The following SEMA6D variants were observed in gnomAD, a reference collection of about 807,000 sequenced individuals.
The protein encoded by SEMA6D is semaphorin 6D.
A neutral mutation model predicts 106.6 loss-of-function variants in SEMA6D; 35 were observed. That is an observed-to-expected ratio of 0.33 (90% confidence interval 0.25 to 0.44). SEMA6D has a LOEUF of 0.44. Among genes scored for constraint, SEMA6D ranks in the 20% least tolerant of loss-of-function variants. SEMA6D has a pLI of 1.00. For missense variants in SEMA6D, 1,185 were observed against 1,345.9 expected, an observed-to-expected ratio of 0.88 and a Z score of 1.87; for synonymous variants, 499 against 487.7, an observed-to-expected ratio of 1.02 and a Z score of -0.31.
chr15:47,431,270 T>G (rs983628222), intron 2 of SEMA6D, among the ~76,000 whole-genome samples: 1 of 152,120 alleles, frequency 6.6e-6, no homozygotes. Flanking sequence ...TCATTTTTAT[T>G]TTGTTTATTA....
chr15:47,627,503 G>A (rs1481960919), intron 4 of SEMA6D, among the ~76,000 whole-genome samples: 4 of 151,952 alleles, frequency 2.6e-5, no homozygotes, highest in African/African-American at 9.7e-5. Flanking sequence ...CTGTAAAATG[G>A]GATAATAATC....
At chr15:47,544,378 C>T (rs569619087) in intron 3 of SEMA6D, among the ~76,000 whole-genome samples, 5 of 152,168 alleles carry the variant, frequency 3.3e-5, no homozygotes, top group South Asian at 2.1e-4. Flanking sequence ...ATCTATTCAA[C>T]GAATAGCTAT....
intron 1 of SEMA6D, among the ~76,000 whole-genome samples, chr15:47,279,667 C>A (rs1246514948): frequency 6.6e-6 from 1 of 152,142 alleles, no homozygotes; most frequent in Non-Finnish European, 1.5e-5. Flanking sequence ...GTGGGTTTGT[C>A]ATAGGTAGCT....
At chr15:47,396,641 G>A (rs2040221704) in intron 1 of SEMA6D, 1 of 152,188 alleles carries the variant, frequency 6.6e-6, no homozygotes, top group Non-Finnish European at 1.5e-5. Flanking sequence ...CTTTATCCTA[G>A]CTGCACTGGC....
chr15:47,507,036 C>G (rs769759707), intron 3 of SEMA6D, among the ~76,000 whole-genome samples: 1 of 152,120 alleles, frequency 6.6e-6, no homozygotes, highest in African/African-American at 2.4e-5. Context: ...GGGTCTCTAT[C>G]ATTTAACCAA....
intron 1 of SEMA6D, among the ~76,000 whole-genome samples, chr15:47,351,821 C>A (rs1201246042): frequency 6.6e-6 from 1 of 152,120 alleles, no homozygotes; most frequent in Non-Finnish European, 1.5e-5. Flanking sequence ...AAATTTAGAA[C>A]CTTTCATATA....
chr15:47,756,471 T>C (rs924085812), intron 1 of SEMA6D, among the ~76,000 whole-genome samples: 3 of 152,186 alleles, frequency 2.0e-5, no homozygotes, highest in Non-Finnish European at 2.9e-5. Context: ...CATTTAATCC[T>C]AAACAGAGCC....
At chr15:47,377,796 T>A (rs565484926) in intron 1 of SEMA6D, among the ~76,000 whole-genome samples, 2 of 152,288 alleles carry the variant, frequency 1.3e-5, no homozygotes, top group African/African-American at 4.8e-5. Flanking sequence ...ATATTAAGGT[T>A]TTTATGGCTG....
chr15:47,285,946 A>G (rs1456959815), intron 1 of SEMA6D, among the ~76,000 whole-genome samples: 1 of 152,152 alleles, frequency 6.6e-6, no homozygotes, highest in African/African-American at 2.4e-5. Flanking sequence ...ATTTTTTTTA[A>G]AAGCAAAGGT....
chr15:47,296,638 G>T (rs1196419227), intron 1 of SEMA6D, among the ~76,000 whole-genome samples: 1 of 152,170 alleles, frequency 6.6e-6, no homozygotes, highest in Non-Finnish European at 1.5e-5. Context: ...TTTAACTGGG[G>T]ATTCCTTCAG....
chr15:47,310,787 C>T (rs2036418614), intron 1 of SEMA6D, among the ~76,000 whole-genome samples: 1 of 152,106 alleles, frequency 6.6e-6, no homozygotes, highest in Non-Finnish European at 1.5e-5. Context: ...TATGGGAGTA[C>T]TCAGGTAAAA....
At chr15:47,452,862 G>A (rs2042233706) in intron 2 of SEMA6D, among the ~76,000 whole-genome samples, 1 of 151,860 alleles carries the variant, frequency 6.6e-6, no homozygotes, top group African/African-American at 2.4e-5. Flanking sequence ...ATGGTATCAT[G>A]TCAAATAATA....
At chr15:47,528,416 T>C (rs918780875) in intron 3 of SEMA6D, among the ~76,000 whole-genome samples, 1 of 152,174 alleles carries the variant, frequency 6.6e-6, no homozygotes, top group East Asian at 1.9e-4. Context: ...GGCTTGCAAT[T>C]TGAAGTAGAG....
intron 1 of SEMA6D, among the ~76,000 whole-genome samples, chr15:47,260,732 TG>T (rs371335851): frequency 2.6e-4 from 39 of 152,186 alleles, no homozygotes; most frequent in African/African-American, 9.2e-4. Flanking sequence ...TGGTATTTCT[TG>T]GAGGGGAGGG....
chr15:47,411,463 C>T (rs2040796830), intron 1 of SEMA6D, among the ~76,000 whole-genome samples: 1 of 152,100 alleles, frequency 6.6e-6, no homozygotes, highest in South Asian at 2.1e-4. Context: ...ACAGAAATAT[C>T]AAGTGTGTTA....
intron 1 of SEMA6D, among the ~76,000 whole-genome samples, chr15:47,268,861 C>T (rs1371819542): frequency 6.6e-6 from 1 of 152,040 alleles, no homozygotes; most frequent in African/African-American, 2.4e-5. Flanking sequence ...TGCTTACCAC[C>T]CTACCCTTTT....
intron 4 of SEMA6D, among the ~76,000 whole-genome samples, chr15:47,640,963 A>G (rs1347497250): frequency 6.6e-6 from 1 of 152,006 alleles, no homozygotes; most frequent in African/African-American, 2.4e-5. Context: ...TTCACCAATT[A>G]TTCTTTATAT....
chr15:47,652,058 A>T (rs1396083792), intron 4 of SEMA6D, among the ~76,000 whole-genome samples: 2 of 152,270 alleles, frequency 1.3e-5, no homozygotes, highest in Middle Eastern at 3.4e-3. Flanking sequence ...TTATTTTCTG[A>T]ATCATTTTTT....
intron 3 of SEMA6D, among the ~76,000 whole-genome samples, chr15:47,541,665 C>G (rs757163315): frequency 2.2e-4 from 33 of 152,158 alleles, no homozygotes; most frequent in Non-Finnish European, 4.6e-4. Flanking sequence ...AAAACAGAAT[C>G]CTGTATCTAC....
Sources: allele counts gnomAD v4.1 joint callset (sites outside exome capture counted in the v4.1 genomes callset), GRCh38; gene constraint gnomAD v4.1.1; transcripts MANE v1.5; gene names NCBI Gene and HGNC (gene_info 2026-07-23, HGNC 2026-07-21).